HMGCLL1: variants seen among roughly 807,000 people sequenced by gnomAD.
The protein encoded by HMGCLL1 is 3-hydroxy-3-methylglutaryl-CoA lyase like 1.
Under a neutral mutation model 39.1 loss-of-function variants are expected in HMGCLL1, and 36 were observed. The observed-to-expected ratio is 0.92, with a 90% CI of 0.71 to 1.22. The LOEUF is 1.22. Among genes scored for constraint, HMGCLL1 ranks in the 50% most tolerant of loss-of-function variants. The probability of loss-of-function intolerance (pLI) is 0.00; values close to 1 mark genes in which losing one functional copy is unlikely to be tolerated. For missense variants in HMGCLL1, 451 were observed against 416.5 expected, an observed-to-expected ratio of 1.08 and a Z score of -0.72; for synonymous variants, 149 against 144.0, an observed-to-expected ratio of 1.03 and a Z score of -0.25.
At chr6:55,534,616 C>T (rs1768906513) in intron 3 of HMGCLL1, among the ~76,000 whole-genome samples, 1 of 152,182 alleles carries the variant, frequency 6.6e-6, no homozygotes, top group African/African-American at 2.4e-5. Flanking sequence ...GACAGCAAGC[C>T]TGCAGCTGCC....
At chr6:55,610,794 A>G in the HMGCLL1 span, among the ~76,000 whole-genome samples, 2 of 152,246 alleles carry the variant, frequency 1.3e-5, no homozygotes, top group East Asian at 1.9e-4. Flanking sequence ...AGAAAGGCCT[A>G]TTCACCTACA....
intron 7 of HMGCLL1, among the ~76,000 whole-genome samples, chr6:55,475,228 G>A (rs1403242396): frequency 6.6e-6 from 1 of 151,488 alleles, no homozygotes; most frequent in Non-Finnish European, 1.5e-5. Flanking sequence ...AGAATATTCT[G>A]ATAATATTTC....
chr6:55,476,948 A>C (rs1412162752), intron 7 of HMGCLL1, among the ~76,000 whole-genome samples: 1 of 140,128 alleles, frequency 7.1e-6, no homozygotes, highest in Non-Finnish European at 1.6e-5. Context: ...AGCTGCTCTT[A>C]AATCAAATTA....
the HMGCLL1 span, among the ~76,000 whole-genome samples, chr6:55,636,895 C>A: frequency 2.6e-5 from 4 of 152,174 alleles, no homozygotes; most frequent in East Asian, 7.7e-4. Flanking sequence ...GAGTATAGGA[C>A]GGTACAAAGG....
intron 1 of HMGCLL1, among the ~76,000 whole-genome samples, chr6:55,546,284 C>T (rs1055550411): frequency 1.1e-4 from 16 of 152,012 alleles, no homozygotes; most frequent in African/African-American, 3.6e-4. Flanking sequence ...TTCTGACTTC[C>T]GCAGATGGAA....
the HMGCLL1 span, among the ~76,000 whole-genome samples, chr6:55,638,857 G>A: frequency 6.6e-6 from 1 of 152,090 alleles, no homozygotes; most frequent in Non-Finnish European, 1.5e-5. Flanking sequence ...AATGGAAACA[G>A]GAGAATAAAG....
chr6:55,602,450 T>C, the HMGCLL1 span, among the ~76,000 whole-genome samples: 6 of 152,112 alleles, frequency 3.9e-5, no homozygotes, highest in Admixed American at 3.3e-4. Flanking sequence ...TATTTTCTTC[T>C]ATGATTAGAC....
intron 7 of HMGCLL1, among the ~76,000 whole-genome samples, chr6:55,451,739 G>A (rs1239614164): frequency 6.6e-6 from 1 of 151,968 alleles, no homozygotes; most frequent in Non-Finnish European, 1.5e-5. Flanking sequence ...ACCTAATGTT[G>A]TGAAAATACA....
rs191368445 is a variant in HMGCLL1, at chr6:55,533,362, T to C, written c.297+8367A>G. ...ATTTTCATTCAATAAGAGATAAGTT[T>C]GCAAATTTAGAGAAACATTTAACAC... On this transcript the variant is annotated intron_variant, in intron 3 of 8. Transcript: ENST00000274901. Among the ~76,000 whole-genome samples the C allele has an allele frequency of 5.2e-4, 79 of 152,246 alleles. 1 individual carries two copies. In the South Asian group the frequency reaches 7.1e-3, roughly 14 times the overall value.
intron 5 of HMGCLL1, among the ~76,000 whole-genome samples, chr6:55,509,157 C>T (rs1038695571): frequency 6.6e-6 from 1 of 151,762 alleles, no homozygotes; most frequent in African/African-American, 2.4e-5. Context: ...GTTTTATGTC[C>T]CATATTTTGG....
chr6:55,543,502 A>T (rs1297263064), intron 1 of HMGCLL1, among the ~76,000 whole-genome samples: 10 of 113,368 alleles, frequency 8.8e-5, no homozygotes, highest in African/African-American at 2.9e-4. Flanking sequence ...TATATCATAT[A>T]TATCATATAT....
chr6:55,575,586 A>G (rs1481985409), intron 1 of HMGCLL1, among the ~76,000 whole-genome samples: 15 of 152,124 alleles, frequency 9.9e-5, no homozygotes, highest in Non-Finnish European at 5.9e-5. Context: ...AGAATTTTCT[A>G]TCTGTTCTAA....
the HMGCLL1 span, among the ~76,000 whole-genome samples, chr6:55,619,548 C>A: frequency 1.3e-5 from 2 of 151,074 alleles, no homozygotes; most frequent in African/African-American, 4.9e-5. Context: ...ACTTATTTTC[C>A]AAAAAAAATT....
the HMGCLL1 span, among the ~76,000 whole-genome samples, chr6:55,595,272 T>C: frequency 6.6e-6 from 1 of 152,200 alleles, no homozygotes; most frequent in East Asian, 1.9e-4. Context: ...TATCTATCTA[T>C]AAAGCCTGAA....
At chr6:55,487,831 A>G (rs1766115185) in intron 7 of HMGCLL1, among the ~76,000 whole-genome samples, 2 of 152,204 alleles carry the variant, frequency 1.3e-5, no homozygotes, top group South Asian at 2.1e-4. Flanking sequence ...AGTATTAAAA[A>G]AAAATAAAAT....
chr6:55,638,904 G>A, the HMGCLL1 span, among the ~76,000 whole-genome samples: 2 of 152,050 alleles, frequency 1.3e-5, no homozygotes, highest in African/African-American at 4.8e-5. Context: ...ATACCATATG[G>A]TTCTAAATAT....
intron 3 of HMGCLL1, among the ~76,000 whole-genome samples, chr6:55,524,474 A>AAAAAC (rs1768206553): frequency 6.6e-6 from 1 of 150,894 alleles, no homozygotes; most frequent in African/African-American, 2.4e-5. Flanking sequence ...AAAAAAAAAA[A>AAAAAC]AAAAACGGGA....
At chr6:55,624,598 ATAT>A in the HMGCLL1 span, among the ~76,000 whole-genome samples, 5 of 152,028 alleles carry the variant, frequency 3.3e-5, no homozygotes, top group Admixed American at 2.0e-4. Context: ...TCCATGGATG[ATAT>A]TATGCAGATT....
At chr6:55,492,201 A>G (rs1172811862) in intron 7 of HMGCLL1, among the ~76,000 whole-genome samples, 1 of 152,202 alleles carries the variant, frequency 6.6e-6, no homozygotes. Context: ...CACTTCAAAG[A>G]TTCCATTTTT....
Sources: allele counts gnomAD v4.1 joint callset (sites outside exome capture counted in the v4.1 genomes callset), GRCh38; gene constraint gnomAD v4.1.1; transcripts MANE v1.5; gene names NCBI Gene and HGNC (gene_info 2026-07-23, HGNC 2026-07-21).